Variants in ASMTL observed in about 807,000 individuals in gnomAD.
The protein encoded by ASMTL is probable bifunctional dTTP/UTP pyrophosphatase/methyltransferase protein.
A neutral mutation model predicts 60.3 loss-of-function variants in ASMTL; 57 were observed. The ratio of observed to expected loss-of-function variants is 0.95; its 90% CI spans 0.76 to 1.18. ASMTL has a LOEUF of 1.18. Among genes scored for constraint, ASMTL ranks in the 50% most tolerant of loss-of-function variants. The probability of loss-of-function intolerance (pLI) is 0.00; values close to 1 mark genes in which losing one functional copy is unlikely to be tolerated. For synonymous variants in ASMTL, 419 were observed against 373.0 expected, an observed-to-expected ratio of 1.12 and a Z score of -1.42; for missense variants, 981 against 852.6, an observed-to-expected ratio of 1.15 and a Z score of -1.88.
intron 1 of ASMTL, among the ~76,000 whole-genome samples, chrX:1,451,980 AC>A (rs1239965392): frequency 8.6e-6 from 1 of 116,058 alleles, no homozygotes; most frequent in Admixed American, 8.9e-5. Flanking sequence ...TACTCTCCCC[AC>A]CCCCATCGCT....
At chrX:1,433,447 C>T (rs1161018254) in intron 5 of ASMTL, among the ~76,000 whole-genome samples, 1 of 138,568 alleles carries the variant, frequency 7.2e-6, no homozygotes, top group Admixed American at 8.0e-5. Flanking sequence ...GGGCGGATCA[C>T]AAGGTCAGGA....
chrX:1,449,864 A>AC (rs2091317612), intron 1 of ASMTL, among the ~76,000 whole-genome samples: 1 of 110,440 alleles, frequency 9.1e-6, no homozygotes. Context: ...ACCAGTAACT[A>AC]CCCCCATCAC....
chrX:1,427,007 AAG>A (rs367621143), intron 7 of ASMTL, among the ~76,000 whole-genome samples: 59 of 146,430 alleles, frequency 4.0e-4, no homozygotes, highest in Admixed American at 2.1e-3. Flanking sequence ...AAACAAAAAA[AAG>A]AGAAAAAGAA....
At position 1,427,874 on chromosome X, in the gene ASMTL, C is replaced by T. The variant is rs754253340; in HGVS notation, c.757G>A (p.Ala253Thr). The T allele has an allele frequency of 8.7e-6, 14 of 1,613,224 alleles. No homozygotes were observed. Among genetic ancestry groups the T allele is most frequent in the South Asian group, 3.3e-5 (3 of 91,062 alleles). ...TCGGCCTTCTCATCGCGGCTGCCCG[C>T]GTCCCTCTGAGTGGGCTCCGAGCCG... ...GGGSEPTQRD[A>T]GSRDEKAEAG... Residue 253 changes from alanine to threonine, a missense_variant, in exon 7 of 13, where the codon GCG becomes ACG. By Grantham distance (58) the Ala-to-Thr change is moderately conservative (BLOSUM62 0). Transcript: ENST00000381317.
intron 9 of ASMTL, 54 bp downstream of exon 9, chrX:1,421,604 G>T: frequency 1.3e-6 from 2 of 1,597,402 alleles, no homozygotes; most frequent in South Asian, 1.1e-5. Flanking sequence ...GTGTCAAAGT[G>T]TTTTAGCAAA....
rs1232765791 is a variant in ASMTL, at chrX:1,452,767, T to C, written c.74A>G (p.Gln25Arg). The C allele has an allele frequency of 1.3e-6, 2 of 1,592,514 alleles. No individual in the cohort carries two copies. Among genetic ancestry groups the C allele is most frequent in the African/African-American group, 1.3e-5 (1 of 74,284 alleles). ...CCGTACCGCGTTGCTGAGGATCTCCTGACGGCGTGGGGAGGCGCTGGCCAG... is the reference window on the plus strand; with the variant it reads ...CCGTACCGCGTTGCTGAGGATCTCCCGACGGCGTGGGGAGGCGCTGGCCAG... The part of the protein sequence containing the change: ...VVLASASPRR[Q>R]EILSNAGLRF... Residue 25 changes from glutamine to arginine, a missense_variant, in exon 1 of 13, where the codon CAG becomes CGG. Transcript: ENST00000381317.
At chrX:1,406,714 AGATG>A (rs1248236129) in intron 12 of ASMTL, among the ~76,000 whole-genome samples, 32 of 149,778 alleles carry the variant, frequency 2.1e-4, no homozygotes, top group African/African-American at 7.9e-4. Context: ...TGCATGCATG[AGATG>A]GATGGATTAG....
chrX:1,413,206 T>C (rs1454669576), intron 11 of ASMTL: 159 of 236,100 alleles, frequency 6.7e-4, no homozygotes, highest in Admixed American at 1.3e-3. Flanking sequence ...CTACTAAAAA[T>C]GCAAATTAGC....
intron 8 of ASMTL, among the ~76,000 whole-genome samples, chrX:1,422,083 C>T (rs1256465622): frequency 5.9e-5 from 9 of 152,298 alleles, no homozygotes; most frequent in Middle Eastern, 3.4e-3. Flanking sequence ...GCAGCCACCA[C>T]GCCCCAGCTG....
chrX:1,452,914 A>C (rs1219304054), upstream of ASMTL: 28 of 1,236,044 alleles, frequency 2.3e-5, no homozygotes, highest in Non-Finnish European at 2.6e-5. Context: ...CGGCTGCAAA[A>C]AAAACAGGCG....
chrX:1,428,200 G>A, intron 6 of ASMTL, 79 bp from the exon 7 acceptor site: 2 of 1,497,464 alleles, frequency 1.3e-6, no homozygotes, highest in Non-Finnish European at 1.8e-6. Context: ...CTGGGAGGCG[G>A]AGGTGGGTGG....
Position 1,432,135 on chromosome X carries a change from C to G in ASMTL, c.509+134G>C. 3 of 688,416 alleles carry G rather than the reference C, an allele frequency of 4.4e-6. No homozygotes were observed. In the South Asian group the frequency reaches 5.3e-5, roughly 12 times the overall value. 42.6% of individuals were successfully genotyped at this position (688,416 alleles called of 1,614,324 possible). A position where few individuals can be genotyped will look rare whatever the true frequency, so the allele number is the denominator to read the frequency against. On this transcript the variant is annotated intron_variant, in intron 6 of 12. Coordinates refer to ENST00000381317, the MANE Select transcript of ASMTL (RefSeq NM_004192.4). The stretch of plus-strand genomic sequence containing the variant: ...GAAGGGTTTGTGCTTCTGAGCCGGG[C>G]GGCTCTCCCTGTGCCACACGGCCCC...
chrX:1,435,660 C>T (rs1287453416), intron 4 of ASMTL, 34 bp downstream of exon 4: 2 of 1,610,866 alleles, frequency 1.2e-6, no homozygotes, highest in Non-Finnish European at 1.7e-6. Context: ...TGGCTCAGAA[C>T]CCGAGAGGGC....
At position 1,418,078 on chromosome X, in the gene ASMTL, A is replaced by G. The variant is rs1418553157; in HGVS notation, c.1417T>C (p.Tyr473His). ...AACACAGTCACCTGCATACGAGGGTACTCACGGGCCAGCTCTCGGGCCAGT... is the reference window on the plus strand; with the variant it reads ...AACACAGTCACCTGCATACGAGGGTGCTCACGGGCCAGCTCTCGGGCCAGT... ...GALARELARE[Y>H]PRMQVTVFDL... is the part of the protein sequence containing the mutation. The change falls in exon 11 of 13, where the codon TAC becomes CAC. Residue 473 changes from tyrosine (Y) to histidine (H), a missense_variant. By Grantham distance (83) the Tyr-to-His change is moderately conservative. Coordinates refer to ENST00000381317, the MANE Select transcript of ASMTL (RefSeq NM_004192.4). 1 of 1,612,434 alleles carries G rather than the reference A, an allele frequency of 6.2e-7. No homozygotes were observed. The highest frequency in any genetic ancestry group is 8.5e-7 in the Non-Finnish European group (1 of 1,178,862).
chrX:1,452,932 TC>T (rs1163691661), upstream of ASMTL: 13 of 1,044,182 alleles, frequency 1.2e-5, no homozygotes, highest in African/African-American at 2.0e-4. Context: ...GCGGCCAGAG[TC>T]CCGCCTCCGC....
At chrX:1,413,640 G>A (rs28637312) in intron 11 of ASMTL, 41,826 of 152,244 alleles carry the variant, frequency 0.27, 5,937 homozygotes, top group Non-Finnish European at 0.29. Flanking sequence ...ACCCTCAGTC[G>A]CTGGGAATGG....
At chrX:1,435,172 G>T in intron 4 of ASMTL, 89 bp from the exon 5 acceptor site, 1 of 1,370,008 alleles carries the variant, frequency 7.3e-7, no homozygotes, top group Non-Finnish European at 1.0e-6. Context: ...GAGGCAGCGA[G>T]GCGTCCTTAA....
upstream of ASMTL, chrX:1,453,722 G>C (rs752599770): frequency 1.8e-4 from 27 of 152,202 alleles, no homozygotes; most frequent in African/African-American, 6.5e-4. Flanking sequence ...GTGGCGTGGG[G>C]ATGGGGATGT....
At chrX:1,433,097 C>CAAAAAAAAAAAAAAAAAAAAAA (rs2090853569) in intron 5 of ASMTL, among the ~76,000 whole-genome samples, 1 of 151,956 alleles carries the variant, frequency 6.6e-6, no homozygotes. Context: ...GACTCTGTCT[C>CAAAAAAAAAAAAAAAAAAAAAA]AAATAAATAA....
Sources: allele counts gnomAD v4.1 joint callset (sites outside exome capture counted in the v4.1 genomes callset), GRCh38; gene constraint gnomAD v4.1.1; transcripts MANE v1.5; gene names NCBI Gene and HGNC (gene_info 2026-07-23, HGNC 2026-07-21).